UBE2E2: variants seen among roughly 807,000 people sequenced by gnomAD.
UBE2E2 encodes the protein ubiquitin conjugating enzyme E2 E2, also known as ubiquitin-conjugating enzyme E2 E2.
A neutral mutation model predicts 24.7 loss-of-function variants in UBE2E2; 6 were observed. The ratio of observed to expected loss-of-function variants is 0.24; its 90% CI spans 0.13 to 0.48. The LOEUF is 0.48. Among genes scored for constraint, UBE2E2 ranks in the 20% least tolerant of loss-of-function variants. UBE2E2 has a pLI of 0.99. For synonymous variants in UBE2E2, 104 were observed against 83.6 expected, an observed-to-expected ratio of 1.24 and a Z score of -1.33; for missense variants, 169 against 245.0, an observed-to-expected ratio of 0.69 and a Z score of 2.07.
chr3:23,351,845 G>C (rs907677023), intron 3 of UBE2E2, among the ~76,000 whole-genome samples: 53 of 152,172 alleles, frequency 3.5e-4, no homozygotes, highest in Middle Eastern at 6.8e-3. Flanking sequence ...AGTTAACAAG[G>C]ATACCCAGGA....
rs920202656 is a variant in UBE2E2 at position 23,589,546 on chromosome 3, A to T, written c.509-188A>T. Among the ~76,000 whole-genome samples, 2 of 152,102 alleles carry T rather than the reference A, an allele frequency of 1.3e-5. No individual in the cohort carries two copies. The highest frequency in any genetic ancestry group is 4.8e-5 in the African/African-American group (2 of 41,408). On this transcript the variant is annotated intron_variant, in intron 5 of 5. Coordinates refer to ENST00000396703, the MANE Select transcript of UBE2E2 (RefSeq NM_152653.4). The surrounding 1 kb of genome is among the most constrained non-coding windows in gnomAD (Gnocchi z 4.1). ...GCTATCAGTAAAATACAGATAGGTG[A>T]CTCTTGGGGCAGCTGGTGTGAAATG... is the stretch of plus-strand genomic sequence containing the variant.
chr3:23,458,426 G>GGTGGTGGTGGTGGTT (rs1424119249), intron 3 of UBE2E2, among the ~76,000 whole-genome samples: 2,809 of 147,762 alleles, frequency 0.019, 129 homozygotes, highest in African/African-American at 0.068. Context: ...TGGTGGTGGT[G>GGTGGTGGTGGTGGTT]GTTGTTGTTG....
chr3:23,233,927 T>A (rs1221961761), intron 3 of UBE2E2, among the ~76,000 whole-genome samples: 1 of 152,190 alleles, frequency 6.6e-6, no homozygotes, highest in Non-Finnish European at 1.5e-5. Context: ...TTTAAATAGC[T>A]TCTATCAAAT....
intron 3 of UBE2E2, among the ~76,000 whole-genome samples, chr3:23,320,260 G>C (rs1694706770): frequency 1.3e-5 from 2 of 152,318 alleles, no homozygotes; most frequent in Admixed American, 1.3e-4. Flanking sequence ...AGTTCAAGTT[G>C]TTATTATCTC....
At chr3:23,350,144 A>G (rs1484601458) in intron 3 of UBE2E2, among the ~76,000 whole-genome samples, 1 of 152,234 alleles carries the variant, frequency 6.6e-6, no homozygotes, top group East Asian at 1.9e-4. Flanking sequence ...GTGGACCTCT[A>G]GCAAACTCCA....
chr3:23,215,566 C>A (rs1449497246), intron 2 of UBE2E2, among the ~76,000 whole-genome samples: 2 of 152,044 alleles, frequency 1.3e-5, no homozygotes, highest in African/African-American at 4.8e-5. Flanking sequence ...CTGATTACTT[C>A]CCCCTATGCC....
chr3:23,353,901 G>A (rs1695846269), intron 3 of UBE2E2, among the ~76,000 whole-genome samples: 1 of 152,046 alleles, frequency 6.6e-6, no homozygotes, highest in Admixed American at 6.5e-5. Flanking sequence ...AAGTTCATAT[G>A]GAACCAAAAA....
rs113468499 is a variant in UBE2E2 at position 23,477,882 on chromosome 3, A to G, written c.228-21726A>G. On this transcript the variant is annotated intron_variant, in intron 3 of 5. Transcript: ENST00000396703. ...TGTTCTTTTGACAGTGAGTTCTCACAAGATCTAATGGTTTTATAAGGCGCT... is the reference window on the plus strand; with the variant it reads ...TGTTCTTTTGACAGTGAGTTCTCACGAGATCTAATGGTTTTATAAGGCGCT... 2.0e-5 allele frequency among the ~76,000 whole-genome samples: 3 copies of G among 152,280 alleles called. 1 individual carries two copies. The highest frequency in any genetic ancestry group is 7.2e-5 in the African/African-American group (3 of 41,550).
chr3:23,301,246 A>G (rs748955679), intron 3 of UBE2E2, among the ~76,000 whole-genome samples: 60 of 152,118 alleles, frequency 3.9e-4, no homozygotes, highest in Non-Finnish European at 7.4e-4. Flanking sequence ...CCTGTAGCTC[A>G]GAGTAGTTTG....
chr3:23,520,821 T>A (rs1694846565), intron 4 of UBE2E2, among the ~76,000 whole-genome samples: 1 of 152,140 alleles, frequency 6.6e-6, no homozygotes, highest in African/African-American at 2.4e-5. Flanking sequence ...TTTTTAGTTC[T>A]TTGTAGGGAC....
At position 23,360,135 on chromosome 3, in the gene UBE2E2, C is replaced by A. The variant is rs574920158; in HGVS notation, c.228-139473C>A. ...ATAATAGATGAATTTTTATAAAGGG[C>A]CTAAGTATTTGAATATTACTGTAAG... On this transcript the variant is annotated intron_variant, in intron 3 of 5. Transcript: ENST00000396703. Among the ~76,000 whole-genome samples the A allele has an allele frequency of 2.6e-5, 4 of 152,214 alleles. No individual in the cohort carries two copies. In the East Asian group the frequency reaches 7.7e-4, roughly 29 times the overall value.
chr3:23,554,521 AT>A (rs1289957852), intron 5 of UBE2E2, among the ~76,000 whole-genome samples: 1 of 152,190 alleles, frequency 6.6e-6, no homozygotes, highest in Non-Finnish European at 1.5e-5. Context: ...CTTTAAAAAA[AT>A]AAAATAAGAA....
At chr3:23,317,351 C>T (rs1208653743) in intron 3 of UBE2E2, among the ~76,000 whole-genome samples, 1 of 152,184 alleles carries the variant, frequency 6.6e-6, no homozygotes, top group African/African-American at 2.4e-5. Context: ...GCATTGCTTT[C>T]TGCTGTGACA....
intron 4 of UBE2E2, among the ~76,000 whole-genome samples, chr3:23,529,988 C>G (rs1695085078): frequency 6.6e-6 from 1 of 152,096 alleles, no homozygotes; most frequent in South Asian, 2.1e-4. Context: ...ATTGGCAACC[C>G]AATATTTTCA....
chr3:23,223,216 G>A (rs897237618), intron 3 of UBE2E2, among the ~76,000 whole-genome samples: 4 of 141,470 alleles, frequency 2.8e-5, no homozygotes, highest in African/African-American at 1.0e-4. Context: ...TTTTTGAGAT[G>A]GAGACTCACT....
At chr3:23,533,111 G>A (rs369460113) in intron 5 of UBE2E2, among the ~76,000 whole-genome samples, 5 of 152,128 alleles carry the variant, frequency 3.3e-5, no homozygotes, top group East Asian at 1.9e-4. Flanking sequence ...CCATGCAGAC[G>A]TGACCTTTTT....
intron 5 of UBE2E2, among the ~76,000 whole-genome samples, chr3:23,560,825 G>A (rs971809688): frequency 6.6e-6 from 1 of 152,184 alleles, no homozygotes; most frequent in Non-Finnish European, 1.5e-5. Flanking sequence ...CAGTGATGAT[G>A]AGCATTTTTT....
At chr3:23,418,243 A>G (rs1575616330) in intron 3 of UBE2E2, among the ~76,000 whole-genome samples, 1 of 152,168 alleles carries the variant, frequency 6.6e-6, no homozygotes, top group Non-Finnish European at 1.5e-5. Context: ...GGAAAAGCGT[A>G]GTATCAGGGC....
intron 3 of UBE2E2, among the ~76,000 whole-genome samples, chr3:23,349,295 G>A (rs1408465232): frequency 1.3e-5 from 2 of 152,226 alleles, no homozygotes; most frequent in African/African-American, 4.8e-5. Context: ...ACAGCTCCCA[G>A]CGTGAGTGAC....
Sources: allele counts gnomAD v4.1 joint callset (sites outside exome capture counted in the v4.1 genomes callset), GRCh38; gene constraint gnomAD v4.1.1; non-coding constraint Gnocchi (gnomAD v3.1); transcripts MANE v1.5; gene names NCBI Gene and HGNC (gene_info 2026-07-23, HGNC 2026-07-21).